The following TMEM108 variants were observed in gnomAD, a reference collection of about 807,000 sequenced individuals.
TMEM108 encodes cancer/testis antigen 124.
TMEM108 carries 12 observed loss-of-function variants against 35.1 expected under a neutral mutation model. The observed-to-expected ratio is 0.34, with a 90% CI of 0.22 to 0.55. The LOEUF (loss-of-function observed/expected upper bound fraction) is 0.55. Among genes scored for constraint, TMEM108 ranks in the 20% least tolerant of loss-of-function variants. The pLI is 0.89. For synonymous variants in TMEM108, 287 were observed against 308.6 expected (o/e 0.93, Z 0.73); for missense variants, 680 against 753.3 (o/e 0.90, Z 1.14).
At chr3:133,109,253 G>T (rs1236704750) in intron 2 of TMEM108, among the ~76,000 whole-genome samples, 1 of 152,104 alleles carries the variant, frequency 6.6e-6, no homozygotes, top group Admixed American at 6.5e-5. Flanking sequence ...ATGAGGAAGG[G>T]TTGCAATAGA....
intron 1 of TMEM108, among the ~76,000 whole-genome samples, chr3:133,045,221 A>G (rs1225596767): frequency 1.3e-5 from 2 of 151,838 alleles, no homozygotes; most frequent in East Asian, 1.9e-4. Flanking sequence ...GCCCACCTCA[A>G]CCTCCCAAAG....
At chr3:133,108,088 A>G (rs1188466388) in intron 2 of TMEM108, among the ~76,000 whole-genome samples, 1 of 152,126 alleles carries the variant, frequency 6.6e-6, no homozygotes, top group Non-Finnish European at 1.5e-5. Flanking sequence ...AAAGTTAGCC[A>G]GGCATGATGG....
chr3:133,390,322 T>C lies in TMEM108; in HGVS notation c.1593T>C (p.Leu531=). Residue 531 remains leucine, a synonymous_variant, in exon 5 of 6, where the codon CTT becomes CTC. Coordinates refer to ENST00000321871, the MANE Select transcript of TMEM108 (RefSeq NM_023943.4). ...AGCTGCCCAGGGAGATCCAGTCCCT[T>C]GAAACCTCTGAGGTAATGAGCTTGA... ...AVELPREIQS[L]ETSEDQLSEP... is the part of the protein sequence containing the mutation. 1 of 1,614,132 alleles carries C rather than the reference T, an allele frequency of 6.2e-7. No homozygotes were observed. Among genetic ancestry groups the C allele is most frequent in the Non-Finnish European group, 8.5e-7 (1 of 1,180,026 alleles).
chr3:133,363,089 G>C, intron 3 of TMEM108, among the ~76,000 whole-genome samples: 1 of 152,280 alleles, frequency 6.6e-6, no homozygotes, highest in African/African-American at 2.4e-5. Flanking sequence ...GACCATTTCT[G>C]TGTGGCCTTC....
intron 2 of TMEM108, among the ~76,000 whole-genome samples, chr3:133,135,624 A>C (rs553480773): frequency 6.6e-6 from 1 of 152,298 alleles, no homozygotes; most frequent in South Asian, 2.1e-4. Context: ...TTAGAGGTAA[A>C]CTGTGTGACT....
intron 2 of TMEM108, among the ~76,000 whole-genome samples, chr3:133,103,288 A>C (rs1278245256): frequency 6.6e-6 from 1 of 152,192 alleles, no homozygotes; most frequent in Non-Finnish European, 1.5e-5. Flanking sequence ...TTGCAGGGAC[A>C]TGGAATGAGC....
At chr3:133,052,480 A>T (rs188806943) in intron 2 of TMEM108, among the ~76,000 whole-genome samples, 1 of 148,038 alleles carries the variant, frequency 6.8e-6, no homozygotes, top group African/African-American at 2.5e-5. Context: ...TTTTATTTTA[A>T]TTTAATTTAA....
intron 2 of TMEM108, among the ~76,000 whole-genome samples, chr3:133,046,359 G>C (rs961552602): frequency 6.6e-6 from 1 of 152,160 alleles, no homozygotes; most frequent in Non-Finnish European, 1.5e-5. Flanking sequence ...TTTCCTTATA[G>C]CCATGTCATA....
At chr3:133,381,330 T>G (rs1311627767) in intron 4 of TMEM108, among the ~76,000 whole-genome samples, 169 bp downstream of exon 4, 2 of 152,224 alleles carry the variant, frequency 1.3e-5, no homozygotes, top group African/African-American at 4.8e-5. Context: ...AGTCCTCAGC[T>G]CTGCCTGGCC....
intron 4 of TMEM108, chr3:133,388,008 G>A: frequency 1.0e-6 from 1 of 985,444 alleles, no homozygotes; most frequent in Non-Finnish European, 1.2e-6. Context: ...CCTGTGTTCT[G>A]TGTCTATGGC....
At chr3:133,266,176 G>T (rs1042920321) in intron 3 of TMEM108, among the ~76,000 whole-genome samples, 2 of 152,088 alleles carry the variant, frequency 1.3e-5, no homozygotes, top group African/African-American at 2.4e-5. Flanking sequence ...ATCATCACTT[G>T]TGGGGGTTGC....
chr3:133,135,776 G>A (rs887043280), intron 2 of TMEM108, among the ~76,000 whole-genome samples: 1 of 152,004 alleles, frequency 6.6e-6, no homozygotes, highest in Non-Finnish European at 1.5e-5. Flanking sequence ...AAAGTGTAGA[G>A]CACTGGAGGA....
chr3:133,154,044 T>A (rs1944840506), intron 2 of TMEM108, among the ~76,000 whole-genome samples: 3 of 151,928 alleles, frequency 2.0e-5, no homozygotes, highest in East Asian at 1.9e-4. Flanking sequence ...TTTCGTTTTT[T>A]AAAAAAAAAT....
At chr3:133,167,186 A>G (rs544707701) in intron 2 of TMEM108, among the ~76,000 whole-genome samples, 4 of 152,352 alleles carry the variant, frequency 2.6e-5, no homozygotes, top group South Asian at 2.1e-4. Flanking sequence ...ACCTTGAGCT[A>G]GACACAGAGT....
intron 3 of TMEM108, among the ~76,000 whole-genome samples, chr3:133,252,085 G>A (rs555836951): frequency 6.6e-6 from 1 of 152,102 alleles, no homozygotes; most frequent in African/African-American, 2.4e-5. Flanking sequence ...GTTGATGTGG[G>A]TGTCCTTGAA....
intron 2 of TMEM108, among the ~76,000 whole-genome samples, chr3:133,107,450 T>G (rs1944166297): frequency 7.4e-6 from 1 of 134,538 alleles, no homozygotes; most frequent in Non-Finnish European, 1.6e-5. Context: ...GGATGAAGTG[T>G]ATGTGGTGTG....
At chr3:133,264,839 A>G (rs2107677918) in intron 3 of TMEM108, among the ~76,000 whole-genome samples, 1 of 152,324 alleles carries the variant, frequency 6.6e-6, no homozygotes, top group African/African-American at 2.4e-5. Flanking sequence ...GTCAGTCAGG[A>G]AAACAGTGCA....
rs201002405 is a variant in TMEM108, at chr3:133,380,032, C to G, written c.321C>G (p.Pro107=). The G allele has an allele frequency of 2.5e-6, 4 of 1,614,026 alleles. No individual in the cohort carries two copies. In the East Asian group the frequency reaches 6.7e-5, roughly 27 times the overall value. Residue 107 remains proline, a synonymous_variant, in exon 4 of 6, where the codon CCC becomes CCG. Transcript: ENST00000321871. This position sits in a 1 kb window ranked among gnomAD's most constrained non-coding sequence, Gnocchi z 5.3. ...CCATCGCTGCGACAGTAACCGCCCC[C>G]CATTCTGAAAGCTCCCTGTCCACAG... The part of the protein sequence containing the change: ...ISTIAATVTA[P]HSESSLSTGP...
intron 3 of TMEM108, among the ~76,000 whole-genome samples, chr3:133,270,794 T>TAC (rs71624011): frequency 0.018 from 2,748 of 148,654 alleles, 72 homozygotes; most frequent in African/African-American, 0.061. Flanking sequence ...TCGAAGAATG[T>TAC]ACACACACAC....
Sources: gnomAD v4.1 joint callset for allele counts (sites outside exome capture counted in the v4.1 genomes callset) on GRCh38, gnomAD v4.1.1 for gene constraint, Gnocchi (gnomAD v3.1) non-coding constraint, MANE v1.5 for transcripts, NCBI Gene and HGNC (gene_info 2026-07-23, HGNC 2026-07-21) for gene names.